Variants in HDAC9 observed in about 807,000 individuals in gnomAD.
The protein encoded by HDAC9 is MEF-2 interacting transcription repressor (MITR) protein.
HDAC9 carries 41 observed loss-of-function variants against 139.4 expected under a neutral mutation model. That is an observed-to-expected ratio of 0.29 (90% CI 0.23 to 0.38). HDAC9 has a LOEUF of 0.38. Ranked by LOEUF, HDAC9 falls within the 10% of genes least tolerant of loss-of-function variation. The pLI is 1.00. For missense variants in HDAC9, 1,147 were observed against 1,297.0 expected, an observed-to-expected ratio of 0.88 and a Z score of 1.78; for synonymous variants, 517 against 476.2, an observed-to-expected ratio of 1.09 and a Z score of -1.12.
intron 22 of HDAC9, 101 bp from the exon 23 acceptor site, chr7:18,935,708 G>A: frequency 9.9e-7 from 1 of 1,013,652 alleles, no homozygotes; most frequent in Non-Finnish European, 1.5e-6. Flanking sequence ...CACAGAAAAT[G>A]CTTAGTAATG....
At chr7:18,706,482 T>G (rs1167802273) in intron 12 of HDAC9, among the ~76,000 whole-genome samples, 1 of 152,238 alleles carries the variant, frequency 6.6e-6, no homozygotes, top group Non-Finnish European at 1.5e-5. Flanking sequence ...TGTATTTCAC[T>G]CAAATAGGGA....
chr7:18,768,428 G>A (rs1390174049), intron 16 of HDAC9, among the ~76,000 whole-genome samples: 2 of 152,106 alleles, frequency 1.3e-5, no homozygotes, highest in Non-Finnish European at 2.9e-5. Flanking sequence ...CTTTGTGACA[G>A]CTCACCAGTG....
chr7:18,550,356 G>A (rs895610184), intron 2 of HDAC9, among the ~76,000 whole-genome samples: 1 of 152,008 alleles, frequency 6.6e-6, no homozygotes, highest in Non-Finnish European at 1.5e-5. Context: ...CATTCATCCT[G>A]TTCTGTTCCA....
intron 17 of HDAC9, among the ~76,000 whole-genome samples, chr7:18,805,923 A>G (rs1327232789): frequency 6.6e-6 from 1 of 152,190 alleles, no homozygotes; most frequent in East Asian, 1.9e-4. Flanking sequence ...TATAAATTAT[A>G]TAGCCTCCTC....
At chr7:18,991,816 A>ATTGT (rs1785999813) in intron 25 of HDAC9, among the ~76,000 whole-genome samples, 1 of 152,240 alleles carries the variant, frequency 6.6e-6, no homozygotes, top group Admixed American at 6.5e-5. Flanking sequence ...ACAAGAAGGT[A>ATTGT]TTGTTTTACA....
intron 1 of HDAC9, among the ~76,000 whole-genome samples, chr7:18,129,067 A>G (rs1271516601): frequency 6.6e-6 from 1 of 152,160 alleles, no homozygotes; most frequent in African/African-American, 2.4e-5. Context: ...AAATATGTTA[A>G]AGAGAACAAT....
chr7:18,839,049 A>G (rs1386914963), intron 21 of HDAC9, among the ~76,000 whole-genome samples: 1 of 152,022 alleles, frequency 6.6e-6, no homozygotes, highest in East Asian at 1.9e-4. Context: ...TATTTCTTCC[A>G]AGCAGTTATC....
At chr7:18,497,211 T>G (rs1797173519) in intron 2 of HDAC9, among the ~76,000 whole-genome samples, 1 of 152,162 alleles carries the variant, frequency 6.6e-6, no homozygotes, top group Non-Finnish European at 1.5e-5. Flanking sequence ...TGTCCTCTTC[T>G]GAATGTTTCA....
At chr7:18,306,044 C>G (rs530673884) in intron 1 of HDAC9, among the ~76,000 whole-genome samples, 1 of 152,116 alleles carries the variant, frequency 6.6e-6, no homozygotes, top group East Asian at 1.9e-4. Context: ...GGGAGGAGAT[C>G]CCAGGAAACT....
chr7:18,439,559 G>A (rs1468911002), intron 1 of HDAC9, among the ~76,000 whole-genome samples: 5 of 151,998 alleles, frequency 3.3e-5, no homozygotes, highest in African/African-American at 9.7e-5. Flanking sequence ...TTCATTACTC[G>A]AAGGAACCCT....
chr7:18,498,107 G>A (rs556728520), intron 2 of HDAC9, among the ~76,000 whole-genome samples: 4 of 152,156 alleles, frequency 2.6e-5, no homozygotes, highest in Middle Eastern at 6.8e-3. Flanking sequence ...AAGTGATGTA[G>A]GTTAACATCA....
At chr7:18,964,060 T>C (rs542965330) in intron 24 of HDAC9, among the ~76,000 whole-genome samples, 1 of 152,288 alleles carries the variant, frequency 6.6e-6, no homozygotes, top group East Asian at 1.9e-4. Flanking sequence ...AACACTGGTC[T>C]TCCAGAGATT....
At position 18,218,429 on chromosome 7, in the gene HDAC9, G is replaced by GA. The variant is rs370071562; in HGVS notation, c.25+56081dup. Among the ~76,000 whole-genome samples the GA allele has an allele frequency of 3.9e-3, 599 of 152,182 alleles. 2 individuals carry two copies. Among genetic ancestry groups the GA allele is most frequent in the African/African-American group, 0.014 (571 of 41,524 alleles). Reference sequence around the variant, plus strand: ...ACTGCACTCCAGCCTGGGAGACAGGGAGAGACTCTGTCTCAAAATAAATAA... The same window carrying GA: ...ACTGCACTCCAGCCTGGGAGACAGGGAAGAGACTCTGTCTCAAAATAAATAA... On this transcript the variant is annotated intron_variant, in intron 2 of 12. Coordinates refer to the HDAC9 transcript ENST00000417496.
chr7:18,758,936 T>G (rs1036008514), intron 14 of HDAC9, among the ~76,000 whole-genome samples: 1 of 149,878 alleles, frequency 6.7e-6, no homozygotes, highest in Non-Finnish European at 1.5e-5. Flanking sequence ...AGTGAAATTA[T>G]TTTTTAAAAA....
At chr7:18,642,973 C>G (rs1038599147) in intron 8 of HDAC9, among the ~76,000 whole-genome samples, 1 of 152,040 alleles carries the variant, frequency 6.6e-6, no homozygotes, top group African/African-American at 2.4e-5. Flanking sequence ...ATATTATGCC[C>G]TATTTAAAAT....
chr7:18,682,733 A>G (rs1188240276), intron 12 of HDAC9, among the ~76,000 whole-genome samples: 1 of 151,960 alleles, frequency 6.6e-6, no homozygotes, highest in African/African-American at 2.4e-5. Context: ...AGATCTTAAA[A>G]ATTTTCTGGG....
intron 1 of HDAC9, among the ~76,000 whole-genome samples, chr7:18,363,792 C>T (rs1420811829): frequency 6.6e-6 from 1 of 152,022 alleles, no homozygotes. Flanking sequence ...CATGGTTGAT[C>T]TTCAATCTCA....
intron 8 of HDAC9, among the ~76,000 whole-genome samples, chr7:18,635,302 T>C (rs768527535): frequency 6.6e-6 from 1 of 151,944 alleles, no homozygotes; most frequent in Non-Finnish European, 1.5e-5. Flanking sequence ...AGTATTATAG[T>C]TGAAGGGTGT....
intron 2 of HDAC9, chr7:18,502,682 T>C (rs1054439472): frequency 4.5e-4 from 69 of 152,280 alleles, no homozygotes; most frequent in African/African-American, 1.6e-3. Flanking sequence ...TTTTTATTAA[T>C]ATTGAATAGA....
Sources: allele counts gnomAD v4.1 joint callset (sites outside exome capture counted in the v4.1 genomes callset), GRCh38; gene constraint gnomAD v4.1.1; transcripts MANE v1.5; gene names NCBI Gene and HGNC (gene_info 2026-07-23, HGNC 2026-07-21).